Variants in ADAMTS20 observed in about 807,000 individuals in gnomAD.
The protein encoded by ADAMTS20 is ADAM metallopeptidase with thrombospondin type 1 motif 20, also known as A disintegrin and metalloproteinase with thrombospondin motifs 20.
Under a neutral mutation model 260.1 loss-of-function variants are expected in ADAMTS20, and 225 were observed. That is an observed-to-expected ratio of 0.87 (90% CI 0.78 to 0.97). The LOEUF (loss-of-function observed/expected upper bound fraction) is 0.97. ADAMTS20 is among the 50% of genes least tolerant of loss of function. The pLI is 0.00. For synonymous variants in ADAMTS20, 802 were observed against 769.5 expected (o/e 1.04, Z -0.70); for missense variants, 2,400 against 2,337.7 (o/e 1.03, Z -0.55).
At chr12:43,441,023 C>T (rs1270114869) in intron 16 of ADAMTS20, among the ~76,000 whole-genome samples, 2 of 150,962 alleles carry the variant, frequency 1.3e-5, no homozygotes, top group African/African-American at 4.9e-5. Flanking sequence ...TGAGATAGCG[C>T]CACTGCACTC....
Position 43,431,514 on chromosome 12 carries a change from A to G in ADAMTS20, c.3097-18T>C. On this transcript the variant is annotated intron_variant, in intron 21 of 38. Coordinates refer to ENST00000389420, the MANE Select transcript of ADAMTS20 (RefSeq NM_025003.5). ...ACAAGGCACTGTAAGAATAAAACTG[A>G]TCATTATTTATTTGCAGCATTAGTC... 1 of 1,613,362 alleles carries G rather than the reference A, an allele frequency of 6.2e-7. No homozygotes were observed. Among genetic ancestry groups the G allele is most frequent in the Non-Finnish European group, 8.5e-7 (1 of 1,179,576 alleles).
chr12:43,521,826 C>T (rs2137483058), intron 3 of ADAMTS20, among the ~76,000 whole-genome samples: 1 of 152,194 alleles, frequency 6.6e-6, no homozygotes, highest in South Asian at 2.1e-4. Flanking sequence ...ACCTTACTCT[C>T]CTGATATAGT....
chr12:43,529,766 T>A (rs574626019), intron 3 of ADAMTS20, among the ~76,000 whole-genome samples: 1 of 152,138 alleles, frequency 6.6e-6, no homozygotes, highest in Non-Finnish European at 1.5e-5. Flanking sequence ...ATAATTCATC[T>A]ATGTAACCAA....
chr12:43,448,561 C>A (rs750632420), intron 14 of ADAMTS20, among the ~76,000 whole-genome samples: 15 of 152,090 alleles, frequency 9.9e-5, no homozygotes, highest in Non-Finnish European at 1.6e-4. Flanking sequence ...TAGGCCATAC[C>A]ATTCTGGACA....
intron 3 of ADAMTS20, among the ~76,000 whole-genome samples, chr12:43,520,101 A>C (rs1943050911): frequency 6.6e-6 from 1 of 152,162 alleles, no homozygotes; most frequent in Non-Finnish European, 1.5e-5. Flanking sequence ...GTGAAAAAAT[A>C]AATTAGGCAC....
intron 2 of ADAMTS20, among the ~76,000 whole-genome samples, chr12:43,544,462 A>G (rs1158404487): frequency 2.6e-5 from 4 of 152,230 alleles, no homozygotes; most frequent in African/African-American, 4.8e-5. Flanking sequence ...TTCTAATTCT[A>G]TAAATGAAAT....
chr12:43,514,290 C>A (rs1295098913), intron 3 of ADAMTS20, among the ~76,000 whole-genome samples: 1 of 151,570 alleles, frequency 6.6e-6, no homozygotes, highest in East Asian at 2.0e-4. Flanking sequence ...TCCGGCCAGG[C>A]AGGATGGCTC....
chr12:43,432,727 G>A lies in ADAMTS20; in HGVS notation c.2805C>T (p.Ser935=). 2 of 1,613,466 alleles carry A rather than the reference G, an allele frequency of 1.2e-6. No individual in the cohort carries two copies. The highest frequency in any genetic ancestry group is 2.2e-5 in the East Asian group (1 of 44,862). ...RTLDIHCMKY[S]IHEGQTVQVD... ...CTTGAACAGTCTGTCCTTCATGAAT[G>A]GAATACTTCATGCAATGGATGTCCA... is the stretch of plus-strand genomic sequence containing the variant. The change falls in exon 20 of 39, where the codon TCC becomes TCT. Residue 935 remains serine (S), a synonymous_variant. Transcript: ENST00000389420.
intron 28 of ADAMTS20, among the ~76,000 whole-genome samples, chr12:43,402,534 G>A (rs1331557822): frequency 6.6e-6 from 1 of 151,898 alleles, no homozygotes; most frequent in East Asian, 1.9e-4. Flanking sequence ...AGTAAAACAG[G>A]ACATGTTATG....
chr12:43,532,575 C>A (rs1943240215), intron 2 of ADAMTS20, among the ~76,000 whole-genome samples: 1 of 121,214 alleles, frequency 8.2e-6, no homozygotes, highest in African/African-American at 3.1e-5. Context: ...TTATTATACT[C>A]TAAGTTTTAG....
intron 2 of ADAMTS20, among the ~76,000 whole-genome samples, chr12:43,546,397 C>G (rs1169241077): frequency 6.6e-6 from 1 of 151,992 alleles, no homozygotes; most frequent in East Asian, 1.9e-4. Context: ...CAAATCCCAC[C>G]AAGAAATAGA....
intron 36 of ADAMTS20, among the ~76,000 whole-genome samples, chr12:43,371,745 A>C (rs1039142462): frequency 6.6e-6 from 1 of 152,170 alleles, no homozygotes; most frequent in Non-Finnish European, 1.5e-5. Flanking sequence ...AGGAGTGATC[A>C]TGGGGCTCAG....
chr12:43,410,262 G>C (rs1481650887), intron 28 of ADAMTS20, among the ~76,000 whole-genome samples: 1 of 152,218 alleles, frequency 6.6e-6, no homozygotes, highest in Non-Finnish European at 1.5e-5. Context: ...ATCTGTGCCA[G>C]ATCAGAGGAG....
intron 3 of ADAMTS20, among the ~76,000 whole-genome samples, chr12:43,508,177 A>T (rs976719688): frequency 3.9e-5 from 6 of 152,166 alleles, no homozygotes; most frequent in African/African-American, 1.4e-4. Context: ...TGAAAGAAAC[A>T]GTTTCTGTCT....
intron 28 of ADAMTS20, chr12:43,423,889 G>A (rs1941281681): frequency 2.7e-6 from 2 of 727,336 alleles, no homozygotes; most frequent in South Asian, 1.4e-5. Flanking sequence ...ACAAGATGAT[G>A]GTCCTTTGAG....
rs1375638553 is a variant in ADAMTS20, at chr12:43,430,398, A to G, written c.3335T>C (p.Leu1112Ser). The change falls in exon 23 of 39, where the codon TTA becomes TCA. Residue 1112 changes from leucine (L) to serine (S), a missense_variant. By Grantham distance (145) the Leu-to-Ser change is moderately radical (BLOSUM62 -2). Coordinates refer to ENST00000389420, the MANE Select transcript of ADAMTS20 (RefSeq NM_025003.5). ...KCVNELASAV[L>S]EDTECHEASR... is the part of the protein sequence containing the mutation. ...AGCTTCATGGCATTCTGTGTCCTCT[A>G]ACACTGCACTAGCTAGCTCATTGAC... 1 of 1,613,026 alleles carries G rather than the reference A, an allele frequency of 6.2e-7. No individual in the cohort carries two copies. The highest frequency in any genetic ancestry group is 1.1e-5 in the South Asian group (1 of 90,946).
chr12:43,493,966 C>T (rs896784614), intron 4 of ADAMTS20, among the ~76,000 whole-genome samples: 1 of 152,158 alleles, frequency 6.6e-6, no homozygotes, highest in African/African-American at 2.4e-5. Flanking sequence ...TGCATGGGCT[C>T]ATTTATGATT....
At chr12:43,424,350 G>A (rs548075353) in intron 28 of ADAMTS20, among the ~76,000 whole-genome samples, 1 of 151,938 alleles carries the variant, frequency 6.6e-6, no homozygotes, top group Non-Finnish European at 1.5e-5. Context: ...TATGAGTTTT[G>A]TCTATGGCTC....
rs144848151 is a variant in ADAMTS20, at chr12:43,493,356, C to T, written c.868-103G>A. ...GTATCAATTCTCTAATTGCACTGCACGTAGGAATCTTGGAATCTCTTAGAG... is the reference window on the plus strand; with the variant it reads ...GTATCAATTCTCTAATTGCACTGCATGTAGGAATCTTGGAATCTCTTAGAG... On this transcript the variant is annotated intron_variant, in intron 4 of 38. Transcript: ENST00000389420. 35 of 780,162 alleles carry T rather than the reference C, an allele frequency of 4.5e-5. No homozygotes were observed. The African/African-American group carries it at 4.9e-4, about 11-fold the overall frequency. 48.3% of individuals were successfully genotyped at this position (780,162 alleles called of 1,614,324 possible).
Sources: allele counts gnomAD v4.1 joint callset (sites outside exome capture counted in the v4.1 genomes callset), GRCh38; gene constraint gnomAD v4.1.1; transcripts MANE v1.5; gene names NCBI Gene and HGNC (gene_info 2026-07-23, HGNC 2026-07-21).